PCDHGA5: variants seen among roughly 807,000 people sequenced by gnomAD.
PCDHGA5 encodes protocadherin gamma-A5.
PCDHGA5 carries 36 observed loss-of-function variants against 56.7 expected under a neutral mutation model. That is an observed-to-expected ratio of 0.64 (90% CI 0.49 to 0.84). The LOEUF (loss-of-function observed/expected upper bound fraction) is 0.84, where lower values mean the gene tolerates loss of function less well. PCDHGA5 is among the 40% of genes least tolerant of loss of function. The pLI, the probability that PCDHGA5 is intolerant of heterozygous loss-of-function variation, is 0.00. For synonymous variants in PCDHGA5, 563 were observed against 520.2 expected, an observed-to-expected ratio of 1.08 and a Z score of -1.12; for missense variants, 1,305 against 1,201.5, an observed-to-expected ratio of 1.09 and a Z score of -1.27.
At position 141,409,239 on chromosome 5, in the gene PCDHGA5, A is replaced by C. The variant is rs1330242516; in HGVS notation, c.2421+42488A>C. The C allele has an allele frequency of 5.0e-6, 8 of 1,613,920 alleles. No individual in the cohort carries two copies. In the Admixed American group the frequency reaches 1.3e-4, roughly 27 times the overall value. On this transcript the variant is annotated intron_variant, in intron 1 of 3. Transcript: ENST00000518069. ...CTTGATGAAAACGACAACAGCCCAG[A>C]AATAATCATCACTTCTCTCTCTGAT... is the stretch of plus-strand genomic sequence containing the variant.
chr5:141,370,554 C>G, intron 1 of PCDHGA5: 2 of 1,613,894 alleles, frequency 1.2e-6, no homozygotes, highest in Non-Finnish European at 1.7e-6. Flanking sequence ...CGCCAAGGAC[C>G]TGGGGTTTGG....
chr5:141,480,694 G>A (rs1446014656), intron 1 of PCDHGA5, among the ~76,000 whole-genome samples: 1 of 152,128 alleles, frequency 6.6e-6, no homozygotes, highest in Non-Finnish European at 1.5e-5. Flanking sequence ...TGAAACCCAG[G>A]CCACACCCCG....
In PCDHGA5 at chr5:141,366,422, G is replaced by A. The variant is rs1334545413; in HGVS notation, c.2092G>A (p.Ala698Thr). 3.7e-6 allele frequency: 6 copies of A among 1,614,152 alleles called. No individual in the cohort carries two copies. The highest frequency in any genetic ancestry group is 1.1e-5 in the South Asian group (1 of 91,088). ...CACACTCTATCTTGTGGTGGCAGTG[G>A]CTGCAGTCTCCTGCGTCTTCCTGGC... ...DLTLYLVVAV[A>T]AVSCVFLAFV... The change falls in exon 1 of 4, where the codon GCT becomes ACT. Residue 698 changes from alanine (A) to threonine (T), a missense_variant. By Grantham distance (58) the Ala-to-Thr change is moderately conservative. Coordinates refer to ENST00000518069, the MANE Select transcript of PCDHGA5 (RefSeq NM_018918.3).
chr5:141,389,276 G>T (rs375882135), intron 1 of PCDHGA5: 4 of 1,613,858 alleles, frequency 2.5e-6, no homozygotes, highest in South Asian at 2.2e-5. Flanking sequence ...AGAACAACCC[G>T]CCTGGAGCCT....
intron 1 of PCDHGA5, chr5:141,377,472 TG>T (rs1191503778): frequency 6.6e-6 from 1 of 152,084 alleles, no homozygotes; most frequent in Non-Finnish European, 1.5e-5. Flanking sequence ...GGCGTACACC[TG>T]TAGTCCCAGC....
At chr5:141,406,332 G>A (rs957923011) in intron 1 of PCDHGA5, among the ~76,000 whole-genome samples, 4 of 152,142 alleles carry the variant, frequency 2.6e-5, no homozygotes, top group East Asian at 1.9e-4. Context: ...TTACTCCTAC[G>A]ATCATTTATT....
intron 1 of PCDHGA5, among the ~76,000 whole-genome samples, chr5:141,386,999 C>T (rs2090777000): frequency 6.6e-6 from 1 of 152,224 alleles, no homozygotes; most frequent in Middle Eastern, 3.4e-3. Context: ...GTATTATCCC[C>T]CTGATAACTT....
At chr5:141,375,991 C>T (rs770239249) in intron 1 of PCDHGA5, 3 of 1,613,448 alleles carry the variant, frequency 1.9e-6, no homozygotes, top group Non-Finnish European at 1.7e-6. Context: ...TGGACAGAGA[C>T]GCGCTCAAGC....
intron 1 of PCDHGA5, among the ~76,000 whole-genome samples, chr5:141,484,774 C>T (rs1269490742): frequency 6.6e-6 from 1 of 151,782 alleles, no homozygotes; most frequent in Non-Finnish European, 1.5e-5. Context: ...ATGTTGTCTG[C>T]CTCCCCACAG....
Position 141,376,287 on chromosome 5 carries a change from T to C in PCDHGA5, c.2421+9536T>C, listed in dbSNP as rs1160372923. 6.2e-6 allele frequency: 10 copies of C among 1,614,110 alleles called. No individual in the cohort carries two copies. In the Admixed American group the frequency reaches 6.7e-5, roughly 11 times the overall value. On this transcript the variant is annotated intron_variant, in intron 1 of 3. Transcript: ENST00000518069. ...GCTTCGGGAGGTGGCTTAGCGAGCA[T>C]GCCCGGCTCGCACTTTGTGGGCGTG...
intron 1 of PCDHGA5, chr5:141,414,717 C>T: frequency 6.2e-7 from 1 of 1,614,152 alleles, no homozygotes; most frequent in Non-Finnish European, 8.5e-7. Flanking sequence ...TCAACTCAGA[C>T]ACTGGCGTCC....
Position 141,372,614 on chromosome 5 carries a change from C to A in PCDHGA5, c.2421+5863C>A, listed in dbSNP as rs759304946. 6.2e-6 allele frequency: 10 copies of A among 1,613,984 alleles called. No individual in the cohort carries two copies. The South Asian group carries it at 8.8e-5, about 14-fold the overall frequency. On this transcript the variant is annotated intron_variant, in intron 1 of 3. Coordinates refer to ENST00000518069, the MANE Select transcript of PCDHGA5 (RefSeq NM_018918.3). Reference sequence around the variant, plus strand: ...GCTTCAAGACTGTACCTGGAGTTCTCCCCACCTACAGCGAAAGGACTTTGC... The same window carrying A: ...GCTTCAAGACTGTACCTGGAGTTCTACCCACCTACAGCGAAAGGACTTTGC...
At chr5:141,438,583 CATACATACATATATATATATATATATAT>C (rs1227221577) in intron 1 of PCDHGA5, among the ~76,000 whole-genome samples, 1 of 57,610 alleles carries the variant, frequency 1.7e-5, no homozygotes, top group African/African-American at 9.0e-5. Flanking sequence ...TACATACATA[CATACATACATATATATATATATATATAT>C]ATATATATAT....
chr5:141,510,015 A>G (rs2099879210), intron 3 of PCDHGA5, among the ~76,000 whole-genome samples: 1 of 152,210 alleles, frequency 6.6e-6, no homozygotes, highest in Non-Finnish European at 1.5e-5. Flanking sequence ...GTCATACCAC[A>G]TAGCTGGCTG....
intron 1 of PCDHGA5, among the ~76,000 whole-genome samples, chr5:141,461,768 C>T (rs532591390): frequency 1.3e-5 from 2 of 152,016 alleles, no homozygotes; most frequent in African/African-American, 4.8e-5. Context: ...ATTCTCCTGC[C>T]TCAGCCTCCC....
rs769467027 is a variant in PCDHGA5, at chr5:141,477,255, A to G, written c.2422-17552A>G. On this transcript the variant is annotated intron_variant, in intron 1 of 3. Transcript: ENST00000518069. This position sits in a 1 kb window ranked among gnomAD's most constrained non-coding sequence, Gnocchi z 4.9. ...GCTTTGCTCAGTGTGACTGACCTGGATGCTGGCGAGAACGGGCTGGTGACC... is the reference window on the plus strand; with the variant it reads ...GCTTTGCTCAGTGTGACTGACCTGGGTGCTGGCGAGAACGGGCTGGTGACC... 1 of 1,614,146 alleles carries G rather than the reference A, an allele frequency of 6.2e-7. No individual in the cohort carries two copies. Among genetic ancestry groups the G allele is most frequent in the East Asian group, 2.2e-5 (1 of 44,874 alleles).
rs761905572 is a variant in PCDHGA5 at position 141,486,493 on chromosome 5, T to A, written c.2422-8314T>A. The A allele has an allele frequency of 2.5e-6, 4 of 1,614,136 alleles. No homozygotes were observed. The highest frequency in any genetic ancestry group is 1.7e-4 in the Middle Eastern group (1 of 6,060). On this transcript the variant is annotated intron_variant, in intron 1 of 3. Transcript: ENST00000518069. This position sits in a 1 kb window ranked among gnomAD's most constrained non-coding sequence, Gnocchi z 5.0. ...ACCCTCCTCTCAGTACCCACAGAAC[T>A]ATTTTCCTCAATATTTCAGATGTGA... is the stretch of plus-strand genomic sequence containing the variant.
chr5:141,490,103 C>T lies in PCDHGA5; in HGVS notation c.2422-4704C>T, dbSNP rs1012215533. ...TCTTTTGGAGACCACACATCTGAGG[C>T]AGTGCGGAACCTCTTTGGCCTAGAC... On this transcript the variant is annotated intron_variant, in intron 1 of 3. Coordinates refer to ENST00000518069, the MANE Select transcript of PCDHGA5 (RefSeq NM_018918.3). The surrounding 1 kb of genome is among the most constrained non-coding windows in gnomAD (Gnocchi z 5.4). The T allele has an allele frequency of 6.2e-7, 1 of 1,614,122 alleles. No homozygotes were observed. The highest frequency in any genetic ancestry group is 1.3e-5 in the African/African-American group (1 of 74,954).
rs759819103 is a variant in PCDHGA5, at chr5:141,398,546, T to A, written c.2421+31795T>A. On this transcript the variant is annotated intron_variant, in intron 1 of 3. Transcript: ENST00000518069. ...AAATTCACGCAAAATTCCTTTGAGC[T>A]GCAAATAAGTGAGTCTGCACAGCCT... 3.1e-6 allele frequency: 5 copies of A among 1,613,902 alleles called. No homozygotes were observed. The East Asian group carries it at 1.1e-4, about 36-fold the overall frequency.
Sources: allele counts gnomAD v4.1 joint callset (sites outside exome capture counted in the v4.1 genomes callset), GRCh38; gene constraint gnomAD v4.1.1; non-coding constraint Gnocchi (gnomAD v3.1); transcripts MANE v1.5; gene names NCBI Gene and HGNC (gene_info 2026-07-23, HGNC 2026-07-21).